NLRP12: variants seen among roughly 807,000 people sequenced by gnomAD.
NLRP12 encodes the protein NLR family pyrin domain containing 12.
NLRP12 carries 108 observed loss-of-function variants against 91.2 expected under a neutral mutation model. The observed-to-expected ratio is 1.18, with a 90% CI of 1.01 to 1.39. The LOEUF is 1.39. NLRP12 is among the 40% of genes most tolerant of loss of function. The probability of loss-of-function intolerance (pLI) is 0.00; values close to 1 mark genes in which losing one functional copy is unlikely to be tolerated. For synonymous variants in NLRP12, 613 were observed against 566.7 expected, an observed-to-expected ratio of 1.08 and a Z score of -1.16; for missense variants, 1,530 against 1,352.7, an observed-to-expected ratio of 1.13 and a Z score of -2.06.
At chr19:53,815,225 CTTTTTTTTTT>C (rs59179749) in intron 1 of NLRP12, among the ~76,000 whole-genome samples, 6 of 96,996 alleles carry the variant, frequency 6.2e-5, no homozygotes, top group African/African-American at 2.7e-4. Flanking sequence ...TCCAATCAGT[CTTTTTTTTTT>C]TTTTTTTTTT....
At chr19:53,803,072 G>C (rs1479205598) in intron 6 of NLRP12, among the ~76,000 whole-genome samples, 1 of 152,026 alleles carries the variant, frequency 6.6e-6, no homozygotes, top group Non-Finnish European at 1.5e-5. Flanking sequence ...TTGATCCATG[G>C]TTGATGAAAT....
chr19:53,794,866 A>G, intron 9 of NLRP12, among the ~76,000 whole-genome samples: 1 of 151,682 alleles, frequency 6.6e-6, no homozygotes, highest in Non-Finnish European at 1.5e-5. Flanking sequence ...CCCAGCCGTA[A>G]GTTTTTGTAT....
chr19:53,803,681 C>G lies in NLRP12; in HGVS notation c.2585+271G>C, dbSNP rs565831522. ...TTCCGCCTCTCAGGTTCAAGTGATC[C>G]TCCTGCCTCAGCCCCCTGAGTAGCT... On this transcript the variant is annotated intron_variant, in intron 6 of 9. Coordinates refer to ENST00000324134, the MANE Select transcript of NLRP12 (RefSeq NM_144687.4). The G allele has an allele frequency of 6.9e-5, 29 of 419,320 alleles. No homozygotes were observed. The East Asian group carries it at 1.6e-3, about 23-fold the overall frequency. 26.0% of individuals were successfully genotyped at this position (419,320 alleles called of 1,614,324 possible).
At position 53,807,347 on chromosome 19, in the gene NLRP12, C is replaced by T. The variant is rs1053628352; in HGVS notation, c.2243+148G>A. The T allele has an allele frequency of 4.0e-5, 30 of 753,018 alleles. No homozygotes were observed. The East Asian group carries it at 5.7e-4, about 14-fold the overall frequency. 46.6% of individuals were successfully genotyped at this position (753,018 alleles called of 1,614,324 possible). A position where few individuals can be genotyped will look rare whatever the true frequency, so the allele number is the denominator to read the frequency against. ...CCTGTCAACATACTGGGATTACAGACGTGAGCCACGGCACCTGGCTTTGTG... is the reference window on the plus strand; with the variant it reads ...CCTGTCAACATACTGGGATTACAGATGTGAGCCACGGCACCTGGCTTTGTG... On this transcript the variant is annotated intron_variant, in intron 4 of 9. Coordinates refer to ENST00000324134, the MANE Select transcript of NLRP12 (RefSeq NM_144687.4).
chr19:53,811,223 G>GC lies in NLRP12; in HGVS notation c.435dup (p.Arg146AlafsTer47). On this transcript the variant is annotated frameshift_variant, in exon 3 of 10. Coordinates refer to ENST00000324134, the MANE Select transcript of NLRP12 (RefSeq NM_144687.4). LOFTEE classifies it high-confidence loss of function. ...CTGAGGTTGACACATTCCCCTAGGC[G>GC]CGCATTGCGGTCTTCCATGAGCCGG... The GC allele has an allele frequency of 6.2e-7, 1 of 1,614,106 alleles. No individual in the cohort carries two copies. Among genetic ancestry groups the GC allele is most frequent in the Non-Finnish European group, 8.5e-7 (1 of 1,180,050 alleles).
At position 53,796,025 on chromosome 19, in the gene NLRP12, C is replaced by G. The variant is rs560028610; in HGVS notation, c.2932G>C (p.Asp978His). 21 of 1,614,104 alleles carry G rather than the reference C, an allele frequency of 1.3e-5. No individual in the cohort carries two copies. The Middle Eastern group carries it at 6.6e-4, about 51-fold the overall frequency. ...PACRLQKLWLDSCGLTAKACE... is the reference protein window; with the variant it reads ...PACRLQKLWLHSCGLTAKACE... Reference sequence around the variant, plus strand: ...GCCTTGGCTGTGAGGCCACAGCTATCCAGCCTGGTGAAGATAAGGAGTTGG... The same window carrying G: ...GCCTTGGCTGTGAGGCCACAGCTATGCAGCCTGGTGAAGATAAGGAGTTGG... The change falls in exon 9 of 10, where the codon GAT becomes CAT. Residue 978 changes from aspartate to histidine, a missense_variant. Asp to His is a moderately conservative substitution (Grantham distance 81). Coordinates refer to ENST00000324134, the MANE Select transcript of NLRP12 (RefSeq NM_144687.4).
intron 9 of NLRP12, among the ~76,000 whole-genome samples, chr19:53,794,658 T>C (rs1277042711): frequency 2.6e-5 from 3 of 115,648 alleles, no homozygotes; most frequent in Non-Finnish European, 5.4e-5. Context: ...GATGCAACTA[T>C]GTTCTCCATT....
rs112159191 is a variant in NLRP12 at position 53,810,632 on chromosome 19, G to C, written c.1027C>G (p.Arg343Gly). 8.1e-6 allele frequency: 13 copies of C among 1,614,016 alleles called. No homozygotes were observed. The East Asian group carries it at 2.2e-4, about 28-fold the overall frequency. Reference sequence around the variant, plus strand: ...TGGAGCTTCTCCAAAGCCGTGGGCCGTGTGGTGATGAGCAAAGATAGCTCA... The same window carrying C: ...TGGAGCTTCTCCAAAGCCGTGGGCCCTGTGGTGATGAGCAAAGATAGCTCA... ...LPELSLLITT[R>G]PTALEKLHRL... The change falls in exon 3 of 10, where the codon CGG becomes GGG. Residue 343 changes from arginine (R) to glycine (G), a missense_variant. By Grantham distance (125) the Arg-to-Gly change is moderately radical. Coordinates refer to ENST00000324134, the MANE Select transcript of NLRP12 (RefSeq NM_144687.4).
intron 1 of NLRP12, among the ~76,000 whole-genome samples, chr19:53,823,367 TTAA>T (rs1282378796): frequency 1.4e-4 from 19 of 134,264 alleles, no homozygotes; most frequent in South Asian, 4.3e-4. Flanking sequence ...TAATATATAT[TTAA>T]TAATATAATT....
intron 1 of NLRP12, among the ~76,000 whole-genome samples, chr19:53,816,176 C>T (rs2092156456): frequency 6.6e-6 from 1 of 152,006 alleles, no homozygotes; most frequent in South Asian, 2.1e-4. Flanking sequence ...GTGTGAGTTC[C>T]TTTGCTCTCA....
At chr19:53,816,017 C>T (rs1599856742) in intron 1 of NLRP12, among the ~76,000 whole-genome samples, 2 of 149,766 alleles carry the variant, frequency 1.3e-5, no homozygotes, top group Non-Finnish European at 3.0e-5. Context: ...AGCAGTCTTT[C>T]GACCTTGGCC....
Position 53,810,031 on chromosome 19 carries a change from C to A in NLRP12, c.1628G>T (p.Arg543Met), listed in dbSNP as rs1031564464. 6.2e-7 allele frequency: 1 copy of A among 1,614,028 alleles called. No individual in the cohort carries two copies. Among genetic ancestry groups the A allele is most frequent in the Admixed American group, 1.7e-5 (1 of 59,968 alleles). The stretch of plus-strand genomic sequence containing the variant: ...AGAAAACGCGTACTCGGTCAACAGC[C>A]TGGTCACGTCCTGGTCTGGGCCTGC... ...GGAGPDQDVT[R>M]LLTEYAFSER... is the part of the protein sequence containing the mutation. Residue 543 changes from arginine to methionine, a missense_variant, in exon 3 of 10, where the codon AGG becomes ATG. By Grantham distance (91) the Arg-to-Met change is moderately conservative. Transcript: ENST00000324134.
At chr19:53,812,871 A>G (rs980494985) in intron 2 of NLRP12, among the ~76,000 whole-genome samples, 5 of 145,564 alleles carry the variant, frequency 3.4e-5, no homozygotes, top group Non-Finnish European at 7.5e-5. Flanking sequence ...TTGTGCAATC[A>G]TCAATATCTC....
rs1568704887 is a variant in NLRP12 at position 53,824,006 on chromosome 19, C to T, written c.169G>A (p.Ala57Thr). 6.2e-7 allele frequency: 1 copy of T among 1,614,086 alleles called. No individual in the cohort carries two copies. Among genetic ancestry groups the T allele is most frequent in the Non-Finnish European group, 8.5e-7 (1 of 1,180,056 alleles). The change falls in exon 1 of 10, where the codon GCC becomes ACC. Residue 57 changes from alanine to threonine, a missense_variant. Transcript: ENST00000324134. ...SMEKAGPLEMAQLLITHFGPE... is the reference protein window; with the variant it reads ...SMEKAGPLEMTQLLITHFGPE... ...CCGAAGTGGGTGATGAGCAGCTGGG[C>T]CATTTCCAGGGGACCGGCCTTCTCC...
At chr19:53,817,351 A>G (rs2092176860) in intron 1 of NLRP12, among the ~76,000 whole-genome samples, 1 of 151,918 alleles carries the variant, frequency 6.6e-6, no homozygotes, top group South Asian at 2.1e-4. Context: ...AATCGCTTGA[A>G]CCAGGGAGTC....
chr19:53,821,876 C>T (rs2092268744), intron 1 of NLRP12, among the ~76,000 whole-genome samples: 1 of 152,110 alleles, frequency 6.6e-6, no homozygotes, highest in South Asian at 2.1e-4. Context: ...CAGAACACAG[C>T]ATGAACAAAG....
Position 53,795,107 on chromosome 19 carries a change from C to CTGTGTGTGTGTGT in NLRP12, c.3098+751_3098+752insACACACACACACA, listed in dbSNP as rs1555792119. On this transcript the variant is annotated intron_variant, in intron 9 of 9. Coordinates refer to ENST00000324134, the MANE Select transcript of NLRP12 (RefSeq NM_144687.4). ...TGTGTGCCACCATACCTGGTGTGTG[C>CTGTGTGTGTGTGT]GTGTGTGTGTGTGTGTGTGTGTGTG... Among the ~76,000 whole-genome samples, 23 of 85,494 alleles carry CTGTGTGTGTGTGT rather than the reference C, an allele frequency of 2.7e-4. 1 individual carries two copies. The highest frequency in any genetic ancestry group is 8.0e-4 in the African/African-American group (17 of 21,156). 56.1% of individuals were successfully genotyped at this position (85,494 alleles called of 152,430 possible).
In NLRP12 at chr19:53,810,196, C is replaced by T; in HGVS notation, c.1463G>A (p.Gly488Glu). The change falls in exon 3 of 10, where the codon GGG (glycine) becomes GAG (glutamate). Residue 488 changes from glycine (G) to glutamate (E), a missense_variant. Coordinates refer to ENST00000324134, the MANE Select transcript of NLRP12 (RefSeq NM_144687.4). The stretch of plus-strand genomic sequence containing the variant: ...GTTGAGGAAGGCAGAGACGTCTTCC[C>T]CGTCTAGGCCGTGCTTCCGGAGGTC... Reference protein sequence around the residue: ...EQDLRKHGLDGEDVSAFLNMN... With the variant: ...EQDLRKHGLDEEDVSAFLNMN... 1.2e-6 allele frequency: 2 copies of T among 1,614,154 alleles called. No individual in the cohort carries two copies. The highest frequency in any genetic ancestry group is 2.7e-5 in the African/African-American group (2 of 75,056).
intron 9 of NLRP12, among the ~76,000 whole-genome samples, chr19:53,795,121 T>C (rs1181592581): frequency 6.7e-6 from 1 of 150,276 alleles, no homozygotes; most frequent in South Asian, 2.1e-4. Flanking sequence ...TGTGTGTGTG[T>C]GTGTGTGTGT....
Sources: gnomAD v4.1 joint callset for allele counts (sites outside exome capture counted in the v4.1 genomes callset) on GRCh38, gnomAD v4.1.1 for gene constraint, MANE v1.5 for transcripts, NCBI Gene and HGNC (gene_info 2026-07-23, HGNC 2026-07-21) for gene names.